PCDH15: variants seen among roughly 807,000 people sequenced by gnomAD.
The protein encoded by PCDH15 is protocadherin related 15.
PCDH15 carries 129 observed loss-of-function variants against 178.5 expected under a neutral mutation model. The ratio of observed to expected loss-of-function variants is 0.72; its 90% CI spans 0.63 to 0.84. The LOEUF is 0.84. PCDH15 is among the 40% of genes least tolerant of loss of function. PCDH15 has a pLI of 0.00. For synonymous variants in PCDH15, 800 were observed against 732.0 expected, an observed-to-expected ratio of 1.09 and a Z score of -1.50; for missense variants, 2,230 against 2,099.9, an observed-to-expected ratio of 1.06 and a Z score of -1.21.
intron 2 of PCDH15, among the ~76,000 whole-genome samples, chr10:55,353,846 T>C (rs1401854187): frequency 6.6e-6 from 1 of 152,096 alleles, no homozygotes; most frequent in Non-Finnish European, 1.5e-5. Flanking sequence ...ATTTGATCAA[T>C]GAAAATGTGA....
At chr10:54,575,901 T>G (rs2090425503) in intron 2 of PCDH15, among the ~76,000 whole-genome samples, 1 of 152,172 alleles carries the variant, frequency 6.6e-6, no homozygotes, top group East Asian at 1.9e-4. Flanking sequence ...TTGATTTTAA[T>G]GGGAATTGCT....
chr10:54,194,724 C>CTATA (rs770759137), intron 11 of PCDH15, among the ~76,000 whole-genome samples: 2 of 137,436 alleles, frequency 1.5e-5, no homozygotes, highest in Admixed American at 7.1e-5. Flanking sequence ...GTGTATATGT[C>CTATA]TATCTATCTA....
chr10:54,557,252 G>T (rs2087406092), intron 2 of PCDH15, among the ~76,000 whole-genome samples: 1 of 152,282 alleles, frequency 6.6e-6, no homozygotes, highest in East Asian at 1.9e-4. Flanking sequence ...TTTGGACAAT[G>T]ATAAGTCTTT....
chr10:54,707,406 G>A (rs2095376441), intron 1 of PCDH15, among the ~76,000 whole-genome samples: 1 of 152,168 alleles, frequency 6.6e-6, no homozygotes, highest in Admixed American at 6.5e-5. Context: ...TCCATTGGAA[G>A]TAACTTGCTG....
intron 22 of PCDH15, among the ~76,000 whole-genome samples, chr10:53,960,900 G>A (rs2088230136): frequency 6.6e-6 from 1 of 152,140 alleles, no homozygotes; most frequent in Admixed American, 6.5e-5. Flanking sequence ...ATTAAAAATG[G>A]AAATGTTCAA....
At chr10:54,884,161 G>C (rs1238672816) in intron 3 of PCDH15, among the ~76,000 whole-genome samples, 1 of 151,788 alleles carries the variant, frequency 6.6e-6, no homozygotes, top group African/African-American at 2.4e-5. Context: ...AGTGGGAAAG[G>C]GTGTTCCAGT....
intron 28 of PCDH15, among the ~76,000 whole-genome samples, chr10:53,851,449 T>C (rs527853464): frequency 2.6e-5 from 4 of 151,420 alleles, no homozygotes; most frequent in Non-Finnish European, 5.9e-5. Context: ...TCCCCAGCTC[T>C]AAGATACAAA....
At chr10:55,404,403 A>G (rs913251931) in intron 2 of PCDH15, among the ~76,000 whole-genome samples, 4 of 152,040 alleles carry the variant, frequency 2.6e-5, no homozygotes, top group Admixed American at 6.6e-5. Flanking sequence ...GGATTTTGCA[A>G]TGGCACTTTT....
intron 8 of PCDH15, among the ~76,000 whole-genome samples, chr10:54,284,146 T>A (rs2132795882): frequency 6.6e-6 from 1 of 152,218 alleles, no homozygotes; most frequent in East Asian, 1.9e-4. Flanking sequence ...AATAAATGAT[T>A]TTCAATAAAT....
At chr10:55,504,944 T>A (rs1840729947) in intron 2 of PCDH15, among the ~76,000 whole-genome samples, 1 of 151,512 alleles carries the variant, frequency 6.6e-6, no homozygotes, top group South Asian at 2.1e-4. Context: ...AGACAAAATA[T>A]TTTTAATTTC....
At chr10:54,541,501 T>C (rs2085222805) in intron 2 of PCDH15, among the ~76,000 whole-genome samples, 1 of 152,182 alleles carries the variant, frequency 6.6e-6, no homozygotes, top group Non-Finnish European at 1.5e-5. Context: ...TCTTTTTTGA[T>C]ACATACAGTA....
At chr10:55,507,544 CTTTTTAAT>C (rs1055736035) in intron 2 of PCDH15, among the ~76,000 whole-genome samples, 3 of 151,370 alleles carry the variant, frequency 2.0e-5, no homozygotes, top group African/African-American at 7.3e-5. Flanking sequence ...CTTTTCTTTT[CTTTTTAAT>C]TTTTTAATTT....
At chr10:55,299,934 A>G (rs1490868923) in intron 1 of PCDH15, among the ~76,000 whole-genome samples, 1 of 152,212 alleles carries the variant, frequency 6.6e-6, no homozygotes, top group Non-Finnish European at 1.5e-5. Context: ...TCACATAAAG[A>G]ATACAGAATT....
intron 3 of PCDH15, among the ~76,000 whole-genome samples, chr10:54,893,071 CTT>C (rs1185249106): frequency 6.6e-6 from 1 of 152,032 alleles, no homozygotes; most frequent in Non-Finnish European, 1.5e-5. Context: ...TAGATTGACA[CTT>C]AAACTATCTA....
chr10:54,253,505 A>C lies in PCDH15; in HGVS notation c.877-16574T>G, dbSNP rs9804198. Among the ~76,000 whole-genome samples, 11 of 151,918 alleles carry C rather than the reference A, an allele frequency of 7.2e-5. No homozygotes were observed. In the East Asian group the frequency reaches 2.1e-3, roughly 29 times the overall value. Reference sequence around the variant, plus strand: ...TTCCTCTAGTTCTGTATCATCCAGCATAGAGGACACATAATACTTTACAAA... The same window carrying C: ...TTCCTCTAGTTCTGTATCATCCAGCCTAGAGGACACATAATACTTTACAAA... On this transcript the variant is annotated intron_variant, in intron 8 of 37. Coordinates refer to ENST00000644397, the MANE Select transcript of PCDH15 (RefSeq NM_001384140.1).
chr10:54,221,912 A>G (rs905768277), intron 9 of PCDH15, among the ~76,000 whole-genome samples: 2 of 152,082 alleles, frequency 1.3e-5, no homozygotes, highest in African/African-American at 4.8e-5. Flanking sequence ...CTTACAGTAT[A>G]TATTCTTTTC....
chr10:54,672,903 T>C (rs1367154071), intron 1 of PCDH15, among the ~76,000 whole-genome samples: 1 of 152,122 alleles, frequency 6.6e-6, no homozygotes, highest in Non-Finnish European at 1.5e-5. Context: ...TAAATAATAG[T>C]CTTTTAAGTA....
At chr10:54,820,811 C>T (rs906542823) in intron 3 of PCDH15, among the ~76,000 whole-genome samples, 1 of 151,950 alleles carries the variant, frequency 6.6e-6, no homozygotes, top group East Asian at 1.9e-4. Context: ...TCTCTTCCAG[C>T]CACCACCATT....
chr10:54,210,870 T>C (rs1473586041), intron 10 of PCDH15, among the ~76,000 whole-genome samples: 1 of 151,982 alleles, frequency 6.6e-6, no homozygotes, highest in East Asian at 1.9e-4. Flanking sequence ...GAAACAATTA[T>C]GCTTCTAATT....
Sources: allele counts gnomAD v4.1 joint callset (sites outside exome capture counted in the v4.1 genomes callset), GRCh38; gene constraint gnomAD v4.1.1; transcripts MANE v1.5; gene names NCBI Gene and HGNC (gene_info 2026-07-23, HGNC 2026-07-21).